WDR70: variants seen among roughly 807,000 people sequenced by gnomAD.
The protein encoded by WDR70 is WD repeat domain 70.
Under a neutral mutation model 88.6 loss-of-function variants are expected in WDR70, and 53 were observed. The observed-to-expected ratio is 0.60, with a 90% CI of 0.48 to 0.75. The LOEUF is 0.75. WDR70 is among the 30% of genes least tolerant of loss of function. The probability of loss-of-function intolerance (pLI) is 0.00; values close to 1 mark genes in which losing one functional copy is unlikely to be tolerated. For missense variants in WDR70, 610 were observed against 823.2 expected (o/e 0.74, Z 3.17); for synonymous variants, 280 against 270.0 (o/e 1.04, Z -0.36).
intron 8 of WDR70, among the ~76,000 whole-genome samples, chr5:37,514,574 C>T (rs189650296): frequency 4.6e-5 from 7 of 151,516 alleles, no homozygotes; most frequent in Non-Finnish European, 7.4e-5. Flanking sequence ...GGCCCCAGTT[C>T]GTGCTGTTCC....
At chr5:37,752,312 C>G (rs533583636) in intron 17 of WDR70, among the ~76,000 whole-genome samples, 174 bp from the exon 18 acceptor site, 1 of 152,124 alleles carries the variant, frequency 6.6e-6, no homozygotes, top group Non-Finnish European at 1.5e-5. Context: ...TTTTCCTGAA[C>G]ATAATTAAAT....
At chr5:37,695,459 G>A (rs1441165306) in intron 10 of WDR70, among the ~76,000 whole-genome samples, 2 of 152,130 alleles carry the variant, frequency 1.3e-5, no homozygotes, top group South Asian at 2.1e-4. Flanking sequence ...TAGGTAAGAA[G>A]TCTGGCACAG....
chr5:37,514,336 C>CTATATATATATATATATATA lies in WDR70; in HGVS notation c.841-2176_841-2175insTATATATATATATATATATA, dbSNP rs1385732925. On this transcript the variant is annotated intron_variant, in intron 8 of 17. Transcript: ENST00000265107. ...TGCCGACATTATGGCATATTTAGAA[C>CTATATATATATATATATATA]TACATATATATATATATATATATGT... Among the ~76,000 whole-genome samples the CTATATATATATATATATATA allele has an allele frequency of 1.5e-3, 16 of 10,962 alleles. 1 individual carries two copies. The highest frequency in any genetic ancestry group is 0.011 in the Non-Finnish European group (11 of 1,000). 7.2% of individuals were successfully genotyped at this position (10,962 alleles called of 152,430 possible).
intron 17 of WDR70, among the ~76,000 whole-genome samples, chr5:37,732,764 G>A (rs955794610): frequency 6.6e-6 from 1 of 151,850 alleles, no homozygotes; most frequent in Admixed American, 6.6e-5. Context: ...ATCATGTATG[G>A]CAAATATTTC....
chr5:37,407,292 G>T (rs1009021575), intron 5 of WDR70, among the ~76,000 whole-genome samples: 1 of 152,056 alleles, frequency 6.6e-6, no homozygotes, highest in Non-Finnish European at 1.5e-5. Context: ...GAGGTCAAGG[G>T]GGGCTGGATC....
At chr5:37,576,027 T>TTTCCTTCCTTCCTTCC (rs369405090) in intron 9 of WDR70, among the ~76,000 whole-genome samples, 1 of 150,672 alleles carries the variant, frequency 6.6e-6, no homozygotes, top group Non-Finnish European at 1.5e-5. Flanking sequence ...AAAAAGCAGA[T>TTTCCTTCCTTCCTTCC]TTCCTTCCTT....
intron 6 of WDR70, among the ~76,000 whole-genome samples, chr5:37,441,488 A>G (rs1750651751): frequency 6.6e-6 from 1 of 152,174 alleles, no homozygotes; most frequent in African/African-American, 2.4e-5. Flanking sequence ...AAGTCTATTT[A>G]TTAGGAGAAC....
chr5:37,451,745 C>T (rs1031107026), intron 7 of WDR70, among the ~76,000 whole-genome samples: 1 of 152,172 alleles, frequency 6.6e-6, no homozygotes, highest in African/African-American at 2.4e-5. Context: ...GCTGTAATCC[C>T]CGCACTTTGG....
chr5:37,606,220 G>A (rs566456329), intron 10 of WDR70, among the ~76,000 whole-genome samples: 1 of 152,264 alleles, frequency 6.6e-6, no homozygotes, highest in South Asian at 2.1e-4. Context: ...AGTGTTGATA[G>A]ACGGGAAAAG....
chr5:37,740,687 C>A (rs1372099494), intron 17 of WDR70, among the ~76,000 whole-genome samples: 1 of 152,128 alleles, frequency 6.6e-6, no homozygotes, highest in Non-Finnish European at 1.5e-5. Flanking sequence ...AGAGTGTAAC[C>A]CCAAATTTTA....
intron 10 of WDR70, among the ~76,000 whole-genome samples, chr5:37,633,427 G>A (rs369257162): frequency 4.4e-4 from 66 of 151,526 alleles, no homozygotes; most frequent in Admixed American, 7.3e-4. Context: ...TAGAAATGGT[G>A]TAAAATTAAA....
rs28595754 is a variant in WDR70 at position 37,554,680 on chromosome 5, A to G, written c.917+38090A>G. ...CTCACACACGCATGCACCTGCACGC[A>G]CACACACACACACACACACACACAC... On this transcript the variant is annotated intron_variant, in intron 9 of 17. Coordinates refer to ENST00000265107, the MANE Select transcript of WDR70 (RefSeq NM_018034.4). Among the ~76,000 whole-genome samples, 1,155 of 142,984 alleles carry G rather than the reference A, an allele frequency of 8.1e-3. 12 individuals carry two copies. The highest frequency in any genetic ancestry group is 0.029 in the African/African-American group (1,076 of 37,276). The allele number at this position is 142,984 out of a possible 152,430, so 93.8% of individuals were successfully genotyped here. A position where few individuals can be genotyped will look rare whatever the true frequency, so the allele number is the denominator to read the frequency against.
chr5:37,484,541 C>T (rs1179435504), intron 8 of WDR70, among the ~76,000 whole-genome samples: 6 of 151,788 alleles, frequency 4.0e-5, no homozygotes, highest in Non-Finnish European at 5.9e-5. Flanking sequence ...AGAGGGAGAC[C>T]GTGGAAAGAG....
intron 9 of WDR70, among the ~76,000 whole-genome samples, chr5:37,536,342 TC>T (rs1489305917): frequency 6.6e-6 from 1 of 152,210 alleles, no homozygotes; most frequent in African/African-American, 2.4e-5. Flanking sequence ...AATATTTTTT[TC>T]TTAAAGTATG....
intron 3 of WDR70, among the ~76,000 whole-genome samples, chr5:37,383,280 G>A (rs1204484403): frequency 6.6e-6 from 1 of 152,108 alleles, no homozygotes; most frequent in African/African-American, 2.4e-5. Context: ...TTTTATTTGA[G>A]ACGGAGGCCT....
At chr5:37,646,708 T>C (rs531149293) in intron 10 of WDR70, among the ~76,000 whole-genome samples, 28 of 152,312 alleles carry the variant, frequency 1.8e-4, no homozygotes, top group African/African-American at 6.3e-4. Context: ...CTGTAGAGTT[T>C]CCACTGAAAA....
intron 5 of WDR70, among the ~76,000 whole-genome samples, chr5:37,422,337 C>T (rs891612954): frequency 5.2e-5 from 6 of 114,564 alleles, no homozygotes; most frequent in Admixed American, 9.4e-5. Flanking sequence ...TCGCCCAGGC[C>T]GGAGTAGTGC....
At chr5:37,626,545 T>C (rs1188329975) in intron 10 of WDR70, among the ~76,000 whole-genome samples, 2 of 152,206 alleles carry the variant, frequency 1.3e-5, no homozygotes, top group African/African-American at 4.8e-5. Context: ...GCAACAGTGT[T>C]CATCAGGGAT....
At position 37,664,271 on chromosome 5, in the gene WDR70, C is replaced by T. The variant is rs540377244; in HGVS notation, c.1093-33384C>T. On this transcript the variant is annotated intron_variant, in intron 10 of 17. Coordinates refer to ENST00000265107, the MANE Select transcript of WDR70 (RefSeq NM_018034.4). Reference sequence around the variant, plus strand: ...CTGTCCTTAAATCCCTTCAAAAAATCAACATTACCCACAAGTTGAAAAATT... The same window carrying T: ...CTGTCCTTAAATCCCTTCAAAAAATTAACATTACCCACAAGTTGAAAAATT... 2.6e-5 allele frequency among the ~76,000 whole-genome samples: 4 copies of T among 152,284 alleles called. No individual in the cohort carries two copies. In the East Asian group the frequency reaches 7.7e-4, roughly 29 times the overall value.
Sources: gnomAD v4.1 joint callset for allele counts (sites outside exome capture counted in the v4.1 genomes callset) on GRCh38, gnomAD v4.1.1 for gene constraint, MANE v1.5 for transcripts, NCBI Gene and HGNC (gene_info 2026-07-23, HGNC 2026-07-21) for gene names.